PIK3R5: variants seen among roughly 807,000 people sequenced by gnomAD.
PIK3R5 encodes phosphoinositide-3-kinase regulatory subunit 5, also known as phosphoinositide 3-kinase regulatory subunit 5.
Under a neutral mutation model 94.9 loss-of-function variants are expected in PIK3R5, and 32 were observed. The observed-to-expected ratio is 0.34, with a 90% CI of 0.25 to 0.45. The LOEUF (loss-of-function observed/expected upper bound fraction) is 0.45. PIK3R5 is among the 20% of genes least tolerant of loss of function. The pLI is 1.00. For missense variants in PIK3R5, 853 were observed against 1,144.6 expected (o/e 0.75, Z 3.68); for synonymous variants, 443 against 479.4 (o/e 0.92, Z 0.99).
chr17:8,879,647 G>A lies in PIK3R5; in HGVS notation c.*992C>T, dbSNP rs987305938. 3 of 152,218 alleles carry A rather than the reference G, an allele frequency of 2.0e-5. No homozygotes were observed. Among genetic ancestry groups the A allele is most frequent in the Non-Finnish European group, 4.4e-5 (3 of 68,056 alleles). 9.4% of individuals were successfully genotyped at this position (152,218 alleles called of 1,614,324 possible). ...GGAATGTCTCTTCCCTCTTCAGTCT[G>A]GGTTCTGCCTCAGCCACGAACTGGG... On this transcript the variant is annotated 3_prime_UTR_variant, in exon 19 of 19. Coordinates refer to ENST00000447110, the MANE Select transcript of PIK3R5 (RefSeq NM_001142633.3). This position sits in a 1 kb window ranked among gnomAD's most constrained non-coding sequence, Gnocchi z 4.4.
chr17:8,940,374 G>T (rs575904360), intron 1 of PIK3R5, among the ~76,000 whole-genome samples: 1 of 136,100 alleles, frequency 7.3e-6, no homozygotes, highest in South Asian at 2.4e-4. Context: ...GAAGGCTTAA[G>T]AACAATCCCA....
At chr17:8,914,813 G>A (rs550373609) in intron 1 of PIK3R5, among the ~76,000 whole-genome samples, 10 of 152,386 alleles carry the variant, frequency 6.6e-5, no homozygotes, top group South Asian at 6.2e-4. Context: ...TGGAACAAAC[G>A]TGGGGCCTGA....
rs148490991 is a variant in PIK3R5, at chr17:8,942,901, C to T, written c.-14+22695G>A. 8.5e-3 allele frequency among the ~76,000 whole-genome samples: 1,294 copies of T among 151,560 alleles called. 18 individuals carry two copies. The highest frequency in any genetic ancestry group is 0.029 in the African/African-American group (1,199 of 41,268). On this transcript the variant is annotated intron_variant, in intron 1 of 18. Coordinates refer to ENST00000447110, the MANE Select transcript of PIK3R5 (RefSeq NM_001142633.3). ...GATTACAGGTGTGAACCACTGCACC[C>T]GGCCCTGTCAGCCTTATTCTTATTT...
At position 8,884,201 on chromosome 17, in the gene PIK3R5, G is replaced by A. The variant is rs2089752921; in HGVS notation, c.2205+506C>T. ...CCGAAGGAAGAAGCCCACCTGTGAGGCCAAGCTTCCCTCAGCCTGGACCTT... is the reference window on the plus strand; with the variant it reads ...CCGAAGGAAGAAGCCCACCTGTGAGACCAAGCTTCCCTCAGCCTGGACCTT... On this transcript the variant is annotated intron_variant, in intron 15 of 18. Coordinates refer to ENST00000447110, the MANE Select transcript of PIK3R5 (RefSeq NM_001142633.3). The surrounding 1 kb of genome is among the most constrained non-coding windows in gnomAD (Gnocchi z 5.8). 6.6e-6 allele frequency among the ~76,000 whole-genome samples: 1 copy of A among 152,082 alleles called. No homozygotes were observed. Among genetic ancestry groups the A allele is most frequent in the Admixed American group, 6.5e-5 (1 of 15,282 alleles).
Position 8,886,473 on chromosome 17 carries a change from T to C in PIK3R5, c.2034+4A>G. 1 of 1,601,170 alleles carries C rather than the reference T, an allele frequency of 6.2e-7. No homozygotes were observed. Among genetic ancestry groups the C allele is most frequent in the Non-Finnish European group, 8.5e-7 (1 of 1,172,974 alleles). ...AGAGGCGGTTCGGGGCAGGGAGGCC[T>C]TACCTCGGTCTGATAGACTTGCAGC... On this transcript the variant is annotated splice_donor_region_variant and intron_variant, in intron 13 of 18. Coordinates refer to ENST00000447110, the MANE Select transcript of PIK3R5 (RefSeq NM_001142633.3).
rs957065292 is a variant in PIK3R5 at position 8,881,143 on chromosome 17, T to A, written c.2383-126A>T. 1.9e-5 allele frequency: 14 copies of A among 733,432 alleles called. No homozygotes were observed. Among genetic ancestry groups the A allele is most frequent in the Non-Finnish European group, 2.6e-5 (11 of 415,988 alleles). The allele number at this position is 733,432 out of a possible 1,614,324, so 45.4% of individuals were successfully genotyped here. A position where few individuals can be genotyped will look rare whatever the true frequency, so the allele number is the denominator to read the frequency against. ...GTGGGAGGGCAGGGGTTTGTCTGACTGCGCTCCAGGGTTAATGGCCAGGTC... is the reference window on the plus strand; with the variant it reads ...GTGGGAGGGCAGGGGTTTGTCTGACAGCGCTCCAGGGTTAATGGCCAGGTC... On this transcript the variant is annotated intron_variant, in intron 17 of 18. Transcript: ENST00000447110. The surrounding 1 kb of genome is among the most constrained non-coding windows in gnomAD (Gnocchi z 4.8).
intron 2 of PIK3R5, among the ~76,000 whole-genome samples, chr17:8,910,974 C>G (rs926414990): frequency 6.6e-6 from 1 of 152,178 alleles, no homozygotes; most frequent in Non-Finnish European, 1.5e-5. Flanking sequence ...CTCTGCAGCT[C>G]TGCTGAGTTT....
At chr17:8,913,743 T>C (rs186077537) in intron 1 of PIK3R5, among the ~76,000 whole-genome samples, 1 of 152,284 alleles carries the variant, frequency 6.6e-6, no homozygotes, top group Non-Finnish European at 1.5e-5. Flanking sequence ...AAACCTTTCA[T>C]TGGTGACTCA....
Position 8,909,406 on chromosome 17 carries a change from C to T in PIK3R5, c.104-232G>A, listed in dbSNP as rs1360312872. On this transcript the variant is annotated intron_variant, in intron 2 of 18. Coordinates refer to ENST00000447110, the MANE Select transcript of PIK3R5 (RefSeq NM_001142633.3). This position sits in a 1 kb window ranked among gnomAD's most constrained non-coding sequence, Gnocchi z 4.3. ...CCGGGTTCAAGCGATTCCCCTGCCT[C>T]AGCCTCCCAAGTAGCTGGGATTACA... is the stretch of plus-strand genomic sequence containing the variant. 1.3e-5 allele frequency among the ~76,000 whole-genome samples: 2 copies of T among 152,160 alleles called. No homozygotes were observed. Among genetic ancestry groups the T allele is most frequent in the African/African-American group, 4.8e-5 (2 of 41,440 alleles).
Position 8,935,591 on chromosome 17 carries a change from T to A in PIK3R5, c.-13-24084A>T, listed in dbSNP as rs80165042. Among the ~76,000 whole-genome samples the A allele has an allele frequency of 7.1e-3, 1,083 of 152,280 alleles. 10 individuals carry two copies. The highest frequency in any genetic ancestry group is 0.024 in the African/African-American group (1,012 of 41,554). ...CAGAGTACAAATACAGGATAATTTA[T>A]ATTTCTATTAATTTATTTCTTTCTG... On this transcript the variant is annotated intron_variant, in intron 1 of 18. Coordinates refer to ENST00000447110, the MANE Select transcript of PIK3R5 (RefSeq NM_001142633.3). The surrounding 1 kb of genome is among the most constrained non-coding windows in gnomAD (Gnocchi z 4.5).
intron 1 of PIK3R5, chr17:8,916,065 T>G (rs2090623464): frequency 6.6e-6 from 1 of 152,284 alleles, no homozygotes; most frequent in African/African-American, 2.4e-5. Context: ...CTCCCCGGCA[T>G]TCCAAGGCTT....
At chr17:8,953,501 C>T (rs776380946) in intron 1 of PIK3R5, among the ~76,000 whole-genome samples, 4 of 152,178 alleles carry the variant, frequency 2.6e-5, no homozygotes, top group Non-Finnish European at 2.9e-5. Flanking sequence ...ATCATAGCAC[C>T]GTGACCCACA....
At position 8,884,954 on chromosome 17, in the gene PIK3R5, G is replaced by A. The variant is rs924247470; in HGVS notation, c.2129-171C>T. ...GCCTCTCTCTCTGGCTCCACGTTCT[G>A]GGGATCTCCACCTCCTCAGTGACCC... is the stretch of plus-strand genomic sequence containing the variant. On this transcript the variant is annotated intron_variant, in intron 14 of 18. Coordinates refer to ENST00000447110, the MANE Select transcript of PIK3R5 (RefSeq NM_001142633.3). This position sits in a 1 kb window ranked among gnomAD's most constrained non-coding sequence, Gnocchi z 5.8. 4.9e-6 allele frequency: 3 copies of A among 615,318 alleles called. No individual in the cohort carries two copies. The highest frequency in any genetic ancestry group is 3.7e-5 in the African/African-American group (2 of 54,434). The allele number at this position is 615,318 out of a possible 1,614,324, so 38.1% of individuals were successfully genotyped here. A position where few individuals can be genotyped will look rare whatever the true frequency, so the allele number is the denominator to read the frequency against.
At chr17:8,885,271 T>C (rs1364319443) in intron 14 of PIK3R5, among the ~76,000 whole-genome samples, 15 of 108,204 alleles carry the variant, frequency 1.4e-4, no homozygotes, top group South Asian at 6.7e-4. Flanking sequence ...CCCAGGGCCC[T>C]GCCTTCCAGG....
intron 14 of PIK3R5, chr17:8,885,069 C>T (rs988451647): frequency 2.4e-6 from 1 of 422,712 alleles, no homozygotes; most frequent in Middle Eastern, 6.8e-4. Context: ...CACACCTTCC[C>T]AGGGTCCTGC....
chr17:8,897,622 C>T (rs1463236347), intron 5 of PIK3R5, among the ~76,000 whole-genome samples: 2 of 152,222 alleles, frequency 1.3e-5, no homozygotes, highest in Non-Finnish European at 2.9e-5. Flanking sequence ...TAGGCATCTA[C>T]TCAATATCCA....
chr17:8,930,850 T>C (rs1250664888), intron 1 of PIK3R5, among the ~76,000 whole-genome samples: 1 of 152,200 alleles, frequency 6.6e-6, no homozygotes, highest in African/African-American at 2.4e-5. Context: ...AACATATTGG[T>C]GGTTGCTAGG....
Position 8,881,546 on chromosome 17 carries a change from TGCACACACAC to T in PIK3R5, c.2382+74_2382+83del, listed in dbSNP as rs1019799952. 22 of 1,047,044 alleles carry T rather than the reference TGCACACACAC, an allele frequency of 2.1e-5. No homozygotes were observed. The highest frequency in any genetic ancestry group is 5.9e-5 in the Admixed American group (3 of 50,858). The allele number at this position is 1,047,044 out of a possible 1,614,324, so 64.9% of individuals were successfully genotyped here. On this transcript the variant is annotated intron_variant, in intron 17 of 18. Transcript: ENST00000447110. This position sits in a 1 kb window ranked among gnomAD's most constrained non-coding sequence, Gnocchi z 4.8. ...GTGCACACATGCACACACATACATG[TGCACACACAC>T]GTACACACATACGCACATGCACGCT...
At chr17:8,934,748 A>C (rs542866479) in intron 1 of PIK3R5, among the ~76,000 whole-genome samples, 29 of 152,252 alleles carry the variant, frequency 1.9e-4, no homozygotes, top group Non-Finnish European at 3.5e-4. Context: ...TGGGTTTTTA[A>C]ACATAAATAG....
Sources: gnomAD v4.1 joint callset for allele counts (sites outside exome capture counted in the v4.1 genomes callset) on GRCh38, gnomAD v4.1.1 for gene constraint, Gnocchi (gnomAD v3.1) non-coding constraint, MANE v1.5 for transcripts, NCBI Gene and HGNC (gene_info 2026-07-23, HGNC 2026-07-21) for gene names.